TCF4: variants seen among roughly 807,000 people sequenced by gnomAD.
The protein encoded by TCF4 is SL3-3 enhancer factor 2.
A neutral mutation model predicts 82.1 loss-of-function variants in TCF4; 3 were observed. The ratio of observed to expected loss-of-function variants is 0.04; its 90% CI spans 0.02 to 0.09. The LOEUF (loss-of-function observed/expected upper bound fraction) is 0.09. TCF4 is among the 10% of genes least tolerant of loss of function. The pLI is 1.00. For synonymous variants in TCF4, 276 were observed against 309.6 expected (o/e 0.89, Z 1.14); for missense variants, 518 against 852.7 (o/e 0.61, Z 4.89).
intron 3 of TCF4, among the ~76,000 whole-genome samples, chr18:55,488,707 A>C (rs1163043741): frequency 1.3e-5 from 2 of 152,150 alleles, no homozygotes; most frequent in African/African-American, 2.4e-5. Context: ...TCACCAAGTA[A>C]AACAAGGGAC....
intron 5 of TCF4, among the ~76,000 whole-genome samples, chr18:55,425,400 A>G (rs543724141): frequency 1.9e-4 from 29 of 151,470 alleles, no homozygotes; most frequent in Middle Eastern, 3.4e-3. Flanking sequence ...CTCTTCACCA[A>G]TGAATTTGTC....
chr18:55,429,677 C>T (rs531160072), intron 5 of TCF4, among the ~76,000 whole-genome samples: 10 of 134,136 alleles, frequency 7.5e-5, no homozygotes, highest in East Asian at 5.0e-4. Context: ...AGGAGAATGG[C>T]GTGAACCCGG....
At chr18:55,330,281 A>C (rs2077310398) in intron 8 of TCF4, among the ~76,000 whole-genome samples, 1 of 150,442 alleles carries the variant, frequency 6.6e-6, no homozygotes, top group African/African-American at 2.5e-5. Context: ...CCCGGGTTCA[A>C]GCAATTATCC....
At chr18:55,233,796 G>A (rs1232563620) in intron 16 of TCF4, among the ~76,000 whole-genome samples, 1 of 146,420 alleles carries the variant, frequency 6.8e-6, no homozygotes, top group Non-Finnish European at 1.5e-5. Flanking sequence ...TCCAGCCTGG[G>A]CGACAGAGTG....
chr18:55,634,791 T>G (rs1048611109), intron 1 of TCF4, among the ~76,000 whole-genome samples: 1 of 152,168 alleles, frequency 6.6e-6, no homozygotes, highest in African/African-American at 2.4e-5. Context: ...GGATCTGAAC[T>G]TGAAAGATGT....
chr18:55,279,587 C>A lies in TCF4; in HGVS notation c.619G>T (p.Ala207Ser), dbSNP rs1601257507. Residue 207 changes from alanine (A) to serine (S), a missense_variant, in exon 9 of 20, where the codon GCA (alanine) becomes TCA (serine). This residue lies in a region of TCF4 where 211 missense variants were observed against 327.4 expected (regional missense o/e 0.64). Coordinates refer to ENST00000354452, the MANE Select transcript of TCF4 (RefSeq NM_001083962.2). The part of the protein sequence containing the change: ...DSPGYPSSKP[A>S]TSTFPSSFFM... ...AAGGAGCTAGGGAAAGTGCTGGTTG[C>A]TGGTTTGGAGGAAGGATAGCCTGGC... is the stretch of plus-strand genomic sequence containing the variant. 2 of 1,613,926 alleles carry A rather than the reference C, an allele frequency of 1.2e-6. No homozygotes were observed. The highest frequency in any genetic ancestry group is 1.7e-6 in the Non-Finnish European group (2 of 1,179,892).
intron 6 of TCF4, among the ~76,000 whole-genome samples, chr18:55,399,353 T>G (rs2093670829): frequency 6.6e-6 from 1 of 152,152 alleles, no homozygotes; most frequent in African/African-American, 2.4e-5. Context: ...AACAACAACC[T>G]CCTAGATTAG....
At chr18:55,480,302 G>C (rs2096397118) in intron 3 of TCF4, among the ~76,000 whole-genome samples, 1 of 137,640 alleles carries the variant, frequency 7.3e-6, no homozygotes, top group Non-Finnish European at 1.6e-5. Flanking sequence ...AAAAAGCGGG[G>C]GGGCGGGGGG....
At chr18:55,361,359 G>T (rs1006773315) in intron 6 of TCF4, among the ~76,000 whole-genome samples, 1 of 152,028 alleles carries the variant, frequency 6.6e-6, no homozygotes, top group African/African-American at 2.4e-5. Flanking sequence ...CCTACTATGG[G>T]CCAGCCACTG....
chr18:55,483,906 C>T (rs531201127), intron 3 of TCF4, among the ~76,000 whole-genome samples: 1 of 152,320 alleles, frequency 6.6e-6, no homozygotes, highest in Non-Finnish European at 1.5e-5. Flanking sequence ...AACCACCACA[C>T]TAACAATAAA....
intron 3 of TCF4, among the ~76,000 whole-genome samples, chr18:55,538,026 G>GCGCGCGCACACA (rs1277287061): frequency 2.3e-5 from 3 of 131,504 alleles, no homozygotes; most frequent in Admixed American, 8.3e-5. Context: ...CTGCGCGCGC[G>GCGCGCGCACACA]CACACACACA....
At chr18:55,576,031 T>A (rs2097525389) in intron 3 of TCF4, among the ~76,000 whole-genome samples, 1 of 152,228 alleles carries the variant, frequency 6.6e-6, no homozygotes, top group African/African-American at 2.4e-5. Context: ...TAATGATGAA[T>A]TTTTGCAATC....
chr18:55,350,789 T>TGG, intron 7 of TCF4, 85 bp downstream of exon 7: 1 of 1,547,170 alleles, frequency 6.5e-7, no homozygotes. Context: ...GGAGGTAGGA[T>TGG]GGGGGGGCGA....
intron 8 of TCF4, chr18:55,322,024 T>G (rs1472180634): frequency 4.2e-6 from 5 of 1,202,706 alleles, no homozygotes; most frequent in Non-Finnish European, 5.2e-6. Context: ...CGAGGGGTTT[T>G]TATTAGTTCC....
At chr18:55,452,884 T>C (rs2095653550) in intron 5 of TCF4, among the ~76,000 whole-genome samples, 1 of 152,232 alleles carries the variant, frequency 6.6e-6, no homozygotes, top group Non-Finnish European at 1.5e-5. Context: ...TCCTACTCCA[T>C]CTTCCTCTCT....
intron 3 of TCF4, among the ~76,000 whole-genome samples, chr18:55,517,062 TCTTAA>T (rs1396820685): frequency 1.3e-5 from 2 of 152,136 alleles, no homozygotes; most frequent in African/African-American, 4.8e-5. Flanking sequence ...GTGGTTGAAT[TCTTAA>T]AAGTCAGAAC....
intron 2 of TCF4, among the ~76,000 whole-genome samples, chr18:55,615,918 C>A (rs2097711274): frequency 6.6e-6 from 1 of 152,010 alleles, no homozygotes; most frequent in African/African-American, 2.4e-5. Context: ...TTGTTTAGAA[C>A]TTTTATATCT....
intron 5 of TCF4, chr18:55,422,282 G>A (rs2094800747): frequency 1.0e-6 from 1 of 985,342 alleles, no homozygotes; most frequent in South Asian, 4.7e-5. Flanking sequence ...TGAATAAACT[G>A]TTGTGGCGTG....
At chr18:55,326,303 C>G (rs763561894) in intron 8 of TCF4, among the ~76,000 whole-genome samples, 1 of 149,554 alleles carries the variant, frequency 6.7e-6, no homozygotes, top group Non-Finnish European at 1.5e-5. Context: ...GAGAGGACAC[C>G]TAGTTCAGAG....
Sources: allele counts gnomAD v4.1 joint callset (sites outside exome capture counted in the v4.1 genomes callset), GRCh38; gene constraint gnomAD v4.1.1; regional missense constraint gnomAD v4.1.1; transcripts MANE v1.5; gene names NCBI Gene and HGNC (gene_info 2026-07-23, HGNC 2026-07-21).